Variants in PACRG observed in about 807,000 individuals in gnomAD.
The protein encoded by PACRG is parkin coregulated.
In PACRG, 29 loss-of-function variants were observed where a neutral mutation model predicts 29.7. The ratio of observed to expected loss-of-function variants is 0.98; its 90% CI spans 0.73 to 1.33. The LOEUF is 1.33. PACRG is among the 40% of genes most tolerant of loss of function. The pLI is 0.00. For missense variants in PACRG, 279 were observed against 316.2 expected, an observed-to-expected ratio of 0.88 and a Z score of 0.89; for synonymous variants, 116 against 118.7, an observed-to-expected ratio of 0.98 and a Z score of 0.15.
At chr6:163,303,833 A>G (rs1785093839) in intron 4 of PACRG, among the ~76,000 whole-genome samples, 1 of 151,650 alleles carries the variant, frequency 6.6e-6, no homozygotes, top group Non-Finnish European at 1.5e-5. Flanking sequence ...ACATGGTGAA[A>G]CCCCATCTCT....
intron 2 of PACRG, among the ~76,000 whole-genome samples, chr6:162,863,110 C>T (rs371212041): frequency 1.3e-5 from 2 of 152,328 alleles, no homozygotes. Context: ...AAGGGCCCTG[C>T]ACACACTGCA....
intron 2 of PACRG, among the ~76,000 whole-genome samples, chr6:162,818,705 T>C (rs1584449849): frequency 6.6e-6 from 1 of 152,182 alleles, no homozygotes; most frequent in South Asian, 2.1e-4. Flanking sequence ...TTTCTAGGCA[T>C]TTTGATGTAG....
intron 4 of PACRG, among the ~76,000 whole-genome samples, chr6:163,255,178 T>G (rs1386586876): frequency 6.6e-6 from 1 of 152,196 alleles, no homozygotes. Flanking sequence ...CAGAGTTCTG[T>G]GCTGTCTACA....
intron 4 of PACRG, among the ~76,000 whole-genome samples, chr6:163,176,657 G>A (rs970200249): frequency 4.6e-5 from 7 of 152,212 alleles, no homozygotes; most frequent in South Asian, 2.1e-4. Context: ...GTGGTAGACC[G>A]TGAGAGTGAT....
chr6:163,031,145 T>C (rs559208494), intron 2 of PACRG, among the ~76,000 whole-genome samples: 3 of 152,364 alleles, frequency 2.0e-5, no homozygotes, highest in African/African-American at 7.2e-5. Context: ...TCTGGAAGAT[T>C]AATAAGTACT....
chr6:162,971,302 A>T (rs1801508771), intron 2 of PACRG, among the ~76,000 whole-genome samples: 1 of 152,218 alleles, frequency 6.6e-6, no homozygotes, highest in Non-Finnish European at 1.5e-5. Flanking sequence ...TTCCATTTAC[A>T]AAATATGGAT....
Position 163,036,268 on chromosome 6 carries a change from A to G in PACRG, c.292-25882A>G, listed in dbSNP as rs146136368. On this transcript the variant is annotated intron_variant, in intron 2 of 4. Coordinates refer to ENST00000366888, the MANE Select transcript of PACRG (RefSeq NM_001080379.2). ...GACTATCAGAAATTGGCATTAGGGA[A>G]TTATTTAGCTCTCTCATTTTCCATA... Among the ~76,000 whole-genome samples, 201 of 152,324 alleles carry G rather than the reference A, an allele frequency of 1.3e-3. 1 individual carries two copies. The highest frequency in any genetic ancestry group is 4.6e-3 in the African/African-American group (193 of 41,578).
intron 2 of PACRG, among the ~76,000 whole-genome samples, chr6:162,918,300 A>G (rs9365506): frequency 0.46 from 70,363 of 152,034 alleles, 17,484 homozygotes; most frequent in Middle Eastern, 0.55. Flanking sequence ...TGTGACGTCC[A>G]TATGAATACC....
chr6:162,976,047 G>A (rs1584917924), intron 2 of PACRG, among the ~76,000 whole-genome samples: 1 of 152,244 alleles, frequency 6.6e-6, no homozygotes, highest in East Asian at 1.9e-4. Context: ...GGGCAGGGAA[G>A]GCTTAGCAAA....
chr6:162,927,806 AAAGC>A (rs796451799), intron 2 of PACRG, among the ~76,000 whole-genome samples: 2 of 146,662 alleles, frequency 1.4e-5, no homozygotes, highest in Non-Finnish European at 3.0e-5. Flanking sequence ...TAAAAAAAGC[AAAGC>A]AAACAAACAA....
At chr6:162,936,656 A>T (rs1444214852) in intron 2 of PACRG, among the ~76,000 whole-genome samples, 1 of 152,140 alleles carries the variant, frequency 6.6e-6, no homozygotes, top group Admixed American at 6.5e-5. Context: ...TTATATTTTA[A>T]TTACTTAATA....
At chr6:162,891,560 C>T (rs924100786) in intron 2 of PACRG, among the ~76,000 whole-genome samples, 8 of 152,172 alleles carry the variant, frequency 5.3e-5, no homozygotes, top group Non-Finnish European at 1.2e-4. Context: ...TGATTCTCCA[C>T]CCAGTGGGCA....
chr6:162,821,613 C>T (rs554405050), intron 2 of PACRG, among the ~76,000 whole-genome samples: 2 of 152,158 alleles, frequency 1.3e-5, no homozygotes, highest in African/African-American at 4.8e-5. Context: ...TGTGTCACTG[C>T]CCACCCTCTC....
chr6:163,047,666 T>A (rs1380537238), intron 2 of PACRG, among the ~76,000 whole-genome samples: 1 of 152,196 alleles, frequency 6.6e-6, no homozygotes, highest in Non-Finnish European at 1.5e-5. Flanking sequence ...GATTCTCCAT[T>A]CTCAAATCCA....
At chr6:162,803,843 CA>C (rs1562613543) in intron 1 of PACRG, among the ~76,000 whole-genome samples, 1 of 151,894 alleles carries the variant, frequency 6.6e-6, no homozygotes, top group African/African-American at 2.4e-5. Context: ...ATAAAATATA[CA>C]AAAAATTTAC....
At chr6:162,811,305 A>G (rs1483753531) in intron 1 of PACRG, among the ~76,000 whole-genome samples, 2 of 152,210 alleles carry the variant, frequency 1.3e-5, no homozygotes, top group Non-Finnish European at 1.5e-5. Flanking sequence ...AAGAATGGAT[A>G]TCTTGAGAGA....
At chr6:163,123,344 G>A (rs537957889) in intron 4 of PACRG, among the ~76,000 whole-genome samples, 6 of 152,358 alleles carry the variant, frequency 3.9e-5, no homozygotes, top group Admixed American at 2.6e-4. Context: ...CCGCCATGTC[G>A]GGTGGACCTG....
intron 2 of PACRG, among the ~76,000 whole-genome samples, chr6:162,900,366 G>C (rs1001682028): frequency 4.6e-5 from 7 of 152,066 alleles, no homozygotes; most frequent in African/African-American, 1.7e-4. Context: ...TCTTCAACCT[G>C]TGATTCCTAG....
Position 162,932,819 on chromosome 6 carries a change from A to G in PACRG, c.291+118538A>G, listed in dbSNP as rs566476038. On this transcript the variant is annotated intron_variant, in intron 2 of 4. Coordinates refer to ENST00000366888, the MANE Select transcript of PACRG (RefSeq NM_001080379.2). Reference sequence around the variant, plus strand: ...TGCCAATTTTGCTTATCTTTAAAAAACAGCCTTTTACATCTTCAGATTTCT... The same window carrying G: ...TGCCAATTTTGCTTATCTTTAAAAAGCAGCCTTTTACATCTTCAGATTTCT... Among the ~76,000 whole-genome samples the G allele has an allele frequency of 9.2e-5, 14 of 151,972 alleles. No homozygotes were observed. The South Asian group carries it at 2.9e-3, about 32-fold the overall frequency.
Sources: gnomAD v4.1 joint callset for allele counts (sites outside exome capture counted in the v4.1 genomes callset) on GRCh38, gnomAD v4.1.1 for gene constraint, MANE v1.5 for transcripts, NCBI Gene and HGNC (gene_info 2026-07-23, HGNC 2026-07-21) for gene names.